CGAS: variants seen among roughly 807,000 people sequenced by gnomAD.
CGAS encodes cyclic GMP-AMP synthase.
A neutral mutation model predicts 34.0 loss-of-function variants in CGAS; 31 were observed. The observed-to-expected ratio is 0.91, with a 90% CI of 0.69 to 1.23. CGAS has a LOEUF of 1.23. Among genes scored for constraint, CGAS ranks in the 50% most tolerant of loss-of-function variants. The pLI is 0.00. For missense variants in CGAS, 597 were observed against 657.6 expected (o/e 0.91, Z 1.01); for synonymous variants, 266 against 260.0 (o/e 1.02, Z -0.22).
chr6:73,432,648 A>G (rs1316399855), intron 3 of CGAS, among the ~76,000 whole-genome samples: 1 of 152,004 alleles, frequency 6.6e-6, no homozygotes, highest in Non-Finnish European at 1.5e-5. Flanking sequence ...TTTTGAAGAG[A>G]CAGGGTTTTG....
chr6:73,446,987 C>T (rs937409218), intron 1 of CGAS, among the ~76,000 whole-genome samples: 8 of 152,050 alleles, frequency 5.3e-5, no homozygotes, highest in African/African-American at 9.7e-5. Flanking sequence ...ACCCGGGAGG[C>T]GGAGGTTGCA....
intron 3 of CGAS, among the ~76,000 whole-genome samples, chr6:73,435,317 A>G (rs1298839456): frequency 6.6e-6 from 1 of 152,330 alleles, no homozygotes; most frequent in Non-Finnish European, 1.5e-5. Flanking sequence ...TTGAGATATC[A>G]TTTTCTCACT....
intron 4 of CGAS, among the ~76,000 whole-genome samples, chr6:73,426,908 T>C (rs1434577671): frequency 6.6e-6 from 1 of 151,600 alleles, no homozygotes; most frequent in Non-Finnish European, 1.5e-5. Context: ...TGGAGTGCAG[T>C]GGTGTGATCT....
intron 1 of CGAS, among the ~76,000 whole-genome samples, chr6:73,450,140 G>A (rs1770539137): frequency 6.6e-6 from 1 of 151,562 alleles, no homozygotes; most frequent in African/African-American, 2.4e-5. Context: ...AAAGAAGCCG[G>A]GTGTGGTGGC....
intron 3 of CGAS, among the ~76,000 whole-genome samples, chr6:73,429,641 A>T (rs1355407947): frequency 6.7e-6 from 1 of 150,058 alleles, no homozygotes; most frequent in Non-Finnish European, 1.5e-5. Context: ...CCTGGCTAAC[A>T]CAGTGAAACC....
chr6:73,443,826 G>C (rs1192775538), intron 2 of CGAS, among the ~76,000 whole-genome samples: 3 of 152,154 alleles, frequency 2.0e-5, no homozygotes, highest in Non-Finnish European at 2.9e-5. Flanking sequence ...AATTAGGGTG[G>C]AATGGGGTGG....
chr6:73,442,427 G>T (rs1329583774), intron 2 of CGAS, among the ~76,000 whole-genome samples: 5 of 146,002 alleles, frequency 3.4e-5, no homozygotes. Flanking sequence ...TTGAGACAGG[G>T]TCCCGTTCTG....
chr6:73,446,837 C>A (rs1770481300), intron 1 of CGAS, among the ~76,000 whole-genome samples: 1 of 151,566 alleles, frequency 6.6e-6, no homozygotes, highest in African/African-American at 2.4e-5. Flanking sequence ...GCAGGCGAAT[C>A]ACAAGGTCAA....
At chr6:73,436,545 C>T (rs1403834238) in intron 3 of CGAS, among the ~76,000 whole-genome samples, 1 of 99,998 alleles carries the variant, frequency 1.0e-5, no homozygotes, top group Non-Finnish European at 2.1e-5. Context: ...GTTTTTGAGA[C>T]AGGGTCTCAC....
At position 73,452,133 on chromosome 6, in the gene CGAS, C is replaced by T. The variant is rs1344337430; in HGVS notation, c.49G>A (p.Ala17Thr). 2 of 1,606,878 alleles carry T rather than the reference C, an allele frequency of 1.2e-6. No homozygotes were observed. The highest frequency in any genetic ancestry group is 1.7e-6 in the Non-Finnish European group (2 of 1,177,416). Residue 17 changes from alanine (A) to threonine (T), a missense_variant, in exon 1 of 5, where the codon GCC (alanine) becomes ACC (threonine). Ala to Thr is a moderately conservative substitution (Grantham distance 58, BLOSUM62 0). Transcript: ENST00000370315. ...KAMQRASEAG[A>T]TAPKASARNA... ...CGTGCGGAAGCCTTGGGGGCAGTGGCTCCGGCCTCGGAAGCTCTCTGCATG... is the reference window on the plus strand; with the variant it reads ...CGTGCGGAAGCCTTGGGGGCAGTGGTTCCGGCCTCGGAAGCTCTCTGCATG...
chr6:73,425,842 C>T (rs777128316), intron 4 of CGAS, among the ~76,000 whole-genome samples: 3 of 151,916 alleles, frequency 2.0e-5, no homozygotes, highest in Non-Finnish European at 2.9e-5. Context: ...GGCGTGGTGG[C>T]GCACGCCTGT....
chr6:73,426,329 T>TG (rs1554237168), intron 4 of CGAS, among the ~76,000 whole-genome samples: 12 of 146,064 alleles, frequency 8.2e-5, no homozygotes, highest in African/African-American at 1.5e-4. Flanking sequence ...TAAAATGAAA[T>TG]AAATGAAATG....
chr6:73,445,669 G>C lies in CGAS; in HGVS notation c.736C>G (p.Arg246Gly). The change falls in exon 2 of 5, where the codon CGT becomes GGT. Residue 246 changes from arginine (R) to glycine (G), a missense_variant. Transcript: ENST00000370315. ...RIQLEEYSNT[R>G]AYYFVKFKRN... ...TTAAATTTCACAAAGTAATATGCACGAGTGTTGGAATATTCTTCTAGTTGA... is the reference window on the plus strand; with the variant it reads ...TTAAATTTCACAAAGTAATATGCACCAGTGTTGGAATATTCTTCTAGTTGA... The C allele has an allele frequency of 6.2e-7, 1 of 1,612,696 alleles. No individual in the cohort carries two copies. The highest frequency in any genetic ancestry group is 8.5e-7 in the Non-Finnish European group (1 of 1,179,528).
intron 3 of CGAS, among the ~76,000 whole-genome samples, chr6:73,431,628 A>C (rs1201414221): frequency 6.6e-6 from 1 of 152,190 alleles, no homozygotes; most frequent in East Asian, 1.9e-4. Context: ...AAATTGAGTA[A>C]ATTTTATTCA....
chr6:73,442,560 C>T (rs1770396233), intron 2 of CGAS, among the ~76,000 whole-genome samples: 1 of 151,506 alleles, frequency 6.6e-6, no homozygotes, highest in South Asian at 2.1e-4. Context: ...GCCACCACTC[C>T]TGGCTAATTA....
chr6:73,445,571 T>G lies in CGAS; in HGVS notation c.834A>C (p.Ser278=). 2.5e-6 allele frequency: 4 copies of G among 1,608,328 alleles called. No individual in the cohort carries two copies. Among genetic ancestry groups the G allele is most frequent in the Non-Finnish European group, 3.4e-6 (4 of 1,178,654 alleles). Residue 278 remains serine, a synonymous_variant, in exon 2 of 5, where the codon TCA becomes TCC. Transcript: ENST00000370315. Reference sequence around the variant, plus strand: ...CTTCCTTAATGATTTTCCTAAACTTTGACAGCATCTTAGAAGCTGATAATA... The same window carrying G: ...CTTCCTTAATGATTTTCCTAAACTTGGACAGCATCTTAGAAGCTGATAATA... ...GEILSASKML[S]KFRKIIKEEI... is the part of the protein sequence containing the mutation.
chr6:73,439,384 G>A (rs1383490871), intron 3 of CGAS, among the ~76,000 whole-genome samples: 2 of 151,594 alleles, frequency 1.3e-5, no homozygotes, highest in Non-Finnish European at 2.9e-5. Flanking sequence ...GGGAGGATGG[G>A]GCAGGAGAAT....
chr6:73,450,037 TAA>T (rs1271282698), intron 1 of CGAS, among the ~76,000 whole-genome samples: 1 of 99,410 alleles, frequency 1.0e-5, no homozygotes, highest in Non-Finnish European at 2.2e-5. Context: ...AAGAACAAAA[TAA>T]AGAGAGAGAG....
At chr6:73,429,248 C>A in intron 3 of CGAS, among the ~76,000 whole-genome samples, 1 of 145,128 alleles carries the variant, frequency 6.9e-6, no homozygotes, top group South Asian at 2.3e-4. Flanking sequence ...AGGAGTGAAT[C>A]AAAAGAAGTG....
Sources: allele counts gnomAD v4.1 joint callset (sites outside exome capture counted in the v4.1 genomes callset), GRCh38; gene constraint gnomAD v4.1.1; transcripts MANE v1.5; gene names NCBI Gene and HGNC (gene_info 2026-07-23, HGNC 2026-07-21).